SSBP2: variants seen among roughly 807,000 people sequenced by gnomAD.
SSBP2 encodes the protein single-stranded DNA-binding protein 2.
SSBP2 carries 17 observed loss-of-function variants against 61.8 expected under a neutral mutation model. That is an observed-to-expected ratio of 0.28 (90% CI 0.19 to 0.41). The LOEUF is 0.41. SSBP2 is among the 10% of genes least tolerant of loss of function. The pLI is 1.00. For synonymous variants in SSBP2, 139 were observed against 141.3 expected (o/e 0.98, Z 0.12); for missense variants, 310 against 458.7 (o/e 0.68, Z 2.96).
At chr5:81,597,727 A>G (rs1489621015) in intron 4 of SSBP2, among the ~76,000 whole-genome samples, 1 of 151,998 alleles carries the variant, frequency 6.6e-6, no homozygotes, top group Non-Finnish European at 1.5e-5. Flanking sequence ...ATGAAACTGG[A>G]AACCATCATT....
chr5:81,584,115 T>C (rs1414976539), intron 4 of SSBP2, among the ~76,000 whole-genome samples: 3 of 152,160 alleles, frequency 2.0e-5, no homozygotes, highest in Admixed American at 2.0e-4. Context: ...AATTAGCCAG[T>C]TATAGAGCTA....
At chr5:81,421,193 A>C (rs1468952433) in intron 16 of SSBP2, among the ~76,000 whole-genome samples, 2 of 152,090 alleles carry the variant, frequency 1.3e-5, no homozygotes, top group Non-Finnish European at 2.9e-5. Context: ...TGTGACTCTA[A>C]TCTTTTTTGT....
intron 4 of SSBP2, among the ~76,000 whole-genome samples, chr5:81,586,012 A>G (rs1162863399): frequency 1.3e-5 from 2 of 152,210 alleles, no homozygotes; most frequent in Admixed American, 6.5e-5. Context: ...TTCATTATGT[A>G]TATAACCTGC....
chr5:81,610,018 T>C (rs1003946750), intron 4 of SSBP2, among the ~76,000 whole-genome samples: 1 of 152,152 alleles, frequency 6.6e-6, no homozygotes, highest in African/African-American at 2.4e-5. Context: ...CACCCTTCAA[T>C]TGTTAGTGTA....
intron 1 of SSBP2, among the ~76,000 whole-genome samples, chr5:81,682,494 T>G (rs942365137): frequency 3.9e-5 from 6 of 152,136 alleles, no homozygotes; most frequent in African/African-American, 1.4e-4. Flanking sequence ...GATAAAAAAC[T>G]CTGAGTAACC....
chr5:81,430,958 G>A (rs1762247718), intron 15 of SSBP2, among the ~76,000 whole-genome samples: 1 of 152,144 alleles, frequency 6.6e-6, no homozygotes, highest in South Asian at 2.1e-4. Context: ...TCCTCAATGG[G>A]AAATCTTAAG....
At chr5:81,535,957 C>T (rs915248329) in intron 4 of SSBP2, among the ~76,000 whole-genome samples, 3 of 151,944 alleles carry the variant, frequency 2.0e-5, no homozygotes, top group South Asian at 2.1e-4. Context: ...AGTGAGAAGA[C>T]AAGCCACAGA....
intron 5 of SSBP2, among the ~76,000 whole-genome samples, chr5:81,511,271 G>A (rs1768583468): frequency 6.6e-6 from 1 of 152,012 alleles, no homozygotes; most frequent in South Asian, 2.1e-4. Context: ...TTCTTTCTAT[G>A]CTGTAATGGC....
At position 81,460,956 on chromosome 5, in the gene SSBP2, A is replaced by G. The variant is rs1307387695; in HGVS notation, c.687+99T>C. On this transcript the variant is annotated intron_variant, in intron 10 of 16. Coordinates refer to ENST00000320672, the MANE Select transcript of SSBP2 (RefSeq NM_012446.5). ...AATGATTACTTAAAAAAGGGTTACT[A>G]CAACCAATTGCAAAGCTTTCAAAAG... 8 of 634,804 alleles carry G rather than the reference A, an allele frequency of 1.3e-5. No individual in the cohort carries two copies. In the Admixed American group the frequency reaches 3.3e-4, roughly 26 times the overall value. The allele number at this position is 634,804 out of a possible 1,614,324, so 39.3% of individuals were successfully genotyped here.
chr5:81,445,138 T>TTACATATA (rs1763301839), intron 12 of SSBP2, among the ~76,000 whole-genome samples: 1 of 33,896 alleles, frequency 3.0e-5, no homozygotes, highest in Non-Finnish European at 5.3e-5. Context: ...AAAAAAAATT[T>TTACATATA]TATATATATA....
intron 15 of SSBP2, among the ~76,000 whole-genome samples, chr5:81,432,642 A>G (rs1762368092): frequency 6.6e-6 from 1 of 152,118 alleles, no homozygotes; most frequent in Non-Finnish European, 1.5e-5. Context: ...GCTACTCGGG[A>G]GGCTGAGGCA....
intron 1 of SSBP2, among the ~76,000 whole-genome samples, chr5:81,686,647 G>C (rs973129941): frequency 9.9e-5 from 15 of 151,832 alleles, no homozygotes; most frequent in African/African-American, 3.4e-4. Flanking sequence ...ACGAGGTCAG[G>C]AGTTCAAAAC....
chr5:81,666,514 T>C (rs1220430055), intron 1 of SSBP2, among the ~76,000 whole-genome samples: 1 of 152,204 alleles, frequency 6.6e-6, no homozygotes, highest in Non-Finnish European at 1.5e-5. Flanking sequence ...ACTTACCTCA[T>C]ATAGAAAGGC....
chr5:81,432,402 G>A (rs1355317243), intron 15 of SSBP2, among the ~76,000 whole-genome samples: 1 of 152,174 alleles, frequency 6.6e-6, no homozygotes. Flanking sequence ...AAATATAAAT[G>A]TGAGATATGT....
chr5:81,561,155 C>T (rs1189605482), intron 4 of SSBP2, among the ~76,000 whole-genome samples: 1 of 152,072 alleles, frequency 6.6e-6, no homozygotes, highest in Non-Finnish European at 1.5e-5. Flanking sequence ...AATGTAATCC[C>T]CTGATAAATC....
At chr5:81,426,710 C>G (rs1761974309) in intron 16 of SSBP2, among the ~76,000 whole-genome samples, 1 of 152,162 alleles carries the variant, frequency 6.6e-6, no homozygotes. Flanking sequence ...AATCTTTGCC[C>G]CAGTGAAGAG....
chr5:81,592,722 G>A (rs1053481079), intron 4 of SSBP2, among the ~76,000 whole-genome samples: 6 of 152,200 alleles, frequency 3.9e-5, no homozygotes, highest in Admixed American at 2.0e-4. Context: ...CTGGTACTCA[G>A]GCAAACAGGG....
At chr5:81,684,686 C>T (rs1752638374) in intron 1 of SSBP2, among the ~76,000 whole-genome samples, 1 of 152,070 alleles carries the variant, frequency 6.6e-6, no homozygotes, top group Non-Finnish European at 1.5e-5. Context: ...AGCATTTACC[C>T]GATGCTTGTA....
In SSBP2 at chr5:81,695,505, C is replaced by G. The variant is rs527516704; in HGVS notation, c.63-45166G>C. On this transcript the variant is annotated intron_variant, in intron 1 of 16. Coordinates refer to ENST00000320672, the MANE Select transcript of SSBP2 (RefSeq NM_012446.5). ...TTAATGCTATCCCTCCCCCCTCCCC[C>G]CACCCCACGACAGGCCCCGGTGTGT... Among the ~76,000 whole-genome samples the G allele has an allele frequency of 1.1e-4, 14 of 130,016 alleles. No individual in the cohort carries two copies. The East Asian group carries it at 3.6e-3, about 34-fold the overall frequency. 85.3% of individuals were successfully genotyped at this position (130,016 alleles called of 152,430 possible).
Sources: allele counts gnomAD v4.1 joint callset (sites outside exome capture counted in the v4.1 genomes callset), GRCh38; gene constraint gnomAD v4.1.1; transcripts MANE v1.5; gene names NCBI Gene and HGNC (gene_info 2026-07-23, HGNC 2026-07-21).